AHI1: variants seen among roughly 807,000 people sequenced by gnomAD.
The protein encoded by AHI1 is Abelson helper integration site 1.
In AHI1, 123 loss-of-function variants were observed where a neutral mutation model predicts 149.3. The ratio of observed to expected loss-of-function variants is 0.82; its 90% CI spans 0.71 to 0.96. AHI1 has a LOEUF of 0.96. AHI1 is among the 40% of genes least tolerant of loss of function. AHI1 has a pLI of 0.00. For missense variants in AHI1, 1,439 were observed against 1,422.7 expected, an observed-to-expected ratio of 1.01 and a Z score of -0.18; for synonymous variants, 475 against 459.8, an observed-to-expected ratio of 1.03 and a Z score of -0.42.
intron 24 of AHI1, among the ~76,000 whole-genome samples, chr6:135,333,294 T>G (rs941501206): frequency 6.6e-6 from 1 of 152,232 alleles, no homozygotes; most frequent in African/African-American, 2.4e-5. Context: ...AAATCCTGAA[T>G]TGTACAGAAG....
At chr6:135,438,273 A>T in intron 15 of AHI1, 102 bp downstream of exon 15, 1 of 1,140,734 alleles carries the variant, frequency 8.8e-7, no homozygotes, top group Non-Finnish European at 1.2e-6. Flanking sequence ...CCTTCTTGGG[A>T]AAATACGACT....
chr6:135,352,529 G>A (rs558481468), intron 24 of AHI1, among the ~76,000 whole-genome samples: 1 of 152,134 alleles, frequency 6.6e-6, no homozygotes, highest in South Asian at 2.1e-4. Context: ...AATTCCTACA[G>A]CACTCAAAGC....
chr6:135,479,264 T>G (rs1302891193), intron 5 of AHI1, among the ~76,000 whole-genome samples: 1 of 152,186 alleles, frequency 6.6e-6, no homozygotes, highest in African/African-American at 2.4e-5. Flanking sequence ...TAGATCCAGA[T>G]AGTTTGCACC....
intron 23 of AHI1, among the ~76,000 whole-genome samples, chr6:135,375,696 G>C (rs1458072219): frequency 1.3e-5 from 2 of 152,210 alleles, no homozygotes; most frequent in Middle Eastern, 3.4e-3. Context: ...AGACAACTGG[G>C]AATATCAATA....
Position 135,334,970 on chromosome 6 carries a change from A to G in AHI1, c.3166-11646T>C, listed in dbSNP as rs142253902. 2.5e-3 allele frequency among the ~76,000 whole-genome samples: 388 copies of G among 152,340 alleles called. 4 individuals carry two copies. The highest frequency in any genetic ancestry group is 8.8e-3 in the African/African-American group (365 of 41,580). ...GTCTTTCAGCAATTCTGATGTACCT[A>G]ACGTTTAGTTAATACTTTATTTTAC... On this transcript the variant is annotated intron_variant, in intron 24 of 28. Transcript: ENST00000265602.
chr6:135,421,150 GC>G (rs1045441702), intron 20 of AHI1, among the ~76,000 whole-genome samples: 3 of 152,050 alleles, frequency 2.0e-5, no homozygotes, highest in Admixed American at 6.6e-5. Context: ...AGTTTGTGGT[GC>G]CCCAAAGCAA....
chr6:135,322,027 T>A (rs925789282), intron 25 of AHI1, among the ~76,000 whole-genome samples: 1 of 152,210 alleles, frequency 6.6e-6, no homozygotes, highest in Non-Finnish European at 1.5e-5. Flanking sequence ...GGTCTCGAAC[T>A]CCTGACCTAA....
At chr6:135,441,583 T>C (rs1218046935) in intron 14 of AHI1, among the ~76,000 whole-genome samples, 2 of 152,198 alleles carry the variant, frequency 1.3e-5, no homozygotes, top group Non-Finnish European at 2.9e-5. Flanking sequence ...TCAATCTACA[T>C]AGCATTTTAA....
intron 4 of AHI1, among the ~76,000 whole-genome samples, chr6:135,491,705 T>C (rs1364057927): frequency 2.6e-5 from 4 of 152,226 alleles, no homozygotes; most frequent in Non-Finnish European, 4.4e-5. Context: ...AAATGCTGAA[T>C]GAATGGGTGC....
chr6:135,407,738 C>T (rs1377546511), intron 21 of AHI1, among the ~76,000 whole-genome samples: 2 of 152,082 alleles, frequency 1.3e-5, no homozygotes, highest in Non-Finnish European at 2.9e-5. Context: ...TTCTGCCGGG[C>T]ACAGTGGCTC....
chr6:135,427,385 C>T, intron 19 of AHI1, 78 bp from the exon 20 acceptor site: 1 of 1,260,912 alleles, frequency 7.9e-7, no homozygotes, highest in African/African-American at 1.5e-5. Flanking sequence ...ATTATTCTGC[C>T]ATTTATTAGA....
At chr6:135,379,850 T>TA (rs1019060071) in intron 23 of AHI1, among the ~76,000 whole-genome samples, 11 of 152,094 alleles carry the variant, frequency 7.2e-5, no homozygotes, top group African/African-American at 2.4e-4. Flanking sequence ...CCAAACAACT[T>TA]ACAGCTTCCT....
At chr6:135,392,718 T>C (rs1562654144) in intron 23 of AHI1, among the ~76,000 whole-genome samples, 1 of 152,208 alleles carries the variant, frequency 6.6e-6, no homozygotes, top group African/African-American at 2.4e-5. Flanking sequence ...GAACACTGAA[T>C]AGAATCACAG....
At chr6:135,364,878 C>A (rs59570728) in intron 23 of AHI1, among the ~76,000 whole-genome samples, 1 of 151,380 alleles carries the variant, frequency 6.6e-6, no homozygotes, top group Non-Finnish European at 1.5e-5. Context: ...AGAGGGAGAC[C>A]GTGGAAAGAG....
intron 20 of AHI1, among the ~76,000 whole-genome samples, chr6:135,422,040 T>C (rs1167310162): frequency 6.6e-6 from 1 of 152,182 alleles, no homozygotes; most frequent in African/African-American, 2.4e-5. Context: ...AGAAAACAAA[T>C]GTATTTCTAC....
intron 22 of AHI1, among the ~76,000 whole-genome samples, chr6:135,398,709 T>C (rs1779606936): frequency 6.6e-6 from 1 of 152,214 alleles, no homozygotes. Flanking sequence ...CTTAGTTCAC[T>C]GCCTTGCTTC....
At chr6:135,377,088 C>T (rs1382397868) in intron 23 of AHI1, among the ~76,000 whole-genome samples, 3 of 151,760 alleles carry the variant, frequency 2.0e-5, no homozygotes, top group Admixed American at 6.6e-5. Context: ...GACACAATTA[C>T]GGAAATCTGA....
intron 21 of AHI1, 125 bp from the exon 22 acceptor site, chr6:135,405,102 A>C: frequency 2.7e-6 from 2 of 743,910 alleles, no homozygotes; most frequent in South Asian, 3.6e-5. Context: ...TTTATCCATT[A>C]TCCTGCCGTT....
rs2128384644 is a variant in AHI1 at position 135,323,238 on chromosome 6, A to G, written c.3252T>C (p.Asp1084=). The part of the protein sequence containing the change: ...RGDIIRVFFK[D]NEDWWYGSIG... ...TGCTGCCATACCACCAGTCTTCATT[A>G]TCTTTGAAAAACACTCGGATAATGT... The change falls in exon 25 of 29, where the codon GAT becomes GAC. Residue 1084 remains aspartate (D), a synonymous_variant. Coordinates refer to ENST00000265602, the MANE Select transcript of AHI1 (RefSeq NM_001134831.2). 6.2e-7 allele frequency: 1 copy of G among 1,613,908 alleles called. No homozygotes were observed. The highest frequency in any genetic ancestry group is 8.5e-7 in the Non-Finnish European group (1 of 1,179,830).
Sources: gnomAD v4.1 joint callset for allele counts (sites outside exome capture counted in the v4.1 genomes callset) on GRCh38, gnomAD v4.1.1 for gene constraint, MANE v1.5 for transcripts, NCBI Gene and HGNC (gene_info 2026-07-23, HGNC 2026-07-21) for gene names.